The following TMEM232 variants were observed in gnomAD, a reference collection of about 807,000 sequenced individuals.
The protein encoded by TMEM232 is transmembrane protein 232.
In TMEM232, 80 loss-of-function variants were observed where a neutral mutation model predicts 78.8. That is an observed-to-expected ratio of 1.01 (90% CI 0.85 to 1.22). TMEM232 has a LOEUF of 1.22. TMEM232 is among the 50% of genes most tolerant of loss of function. TMEM232 has a pLI of 0.00. For missense variants in TMEM232, 881 were observed against 742.2 expected, an observed-to-expected ratio of 1.19 and a Z score of -2.17; for synonymous variants, 297 against 254.3, an observed-to-expected ratio of 1.17 and a Z score of -1.60.
At chr5:110,504,673 C>T (rs755825304) in intron 12 of TMEM232, among the ~76,000 whole-genome samples, 1 of 152,156 alleles carries the variant, frequency 6.6e-6, no homozygotes. Context: ...CCCAGCTTAC[C>T]CAGTCAGGCA....
chr5:110,659,737 G>T (rs1365331333), intron 2 of TMEM232, among the ~76,000 whole-genome samples: 2 of 152,264 alleles, frequency 1.3e-5, no homozygotes, highest in East Asian at 3.9e-4. Flanking sequence ...CTACATAACA[G>T]ATTTGAAGAA....
chr5:110,480,012 C>T (rs1293094851), intron 12 of TMEM232, among the ~76,000 whole-genome samples: 3 of 151,656 alleles, frequency 2.0e-5, no homozygotes, highest in Non-Finnish European at 4.4e-5. Flanking sequence ...ATGGTATTAA[C>T]ACTAGTTCTT....
At chr5:110,499,301 T>C (rs1765954406) in intron 12 of TMEM232, among the ~76,000 whole-genome samples, 1 of 152,188 alleles carries the variant, frequency 6.6e-6, no homozygotes, top group African/African-American at 2.4e-5. Flanking sequence ...ATGTACTTTT[T>C]GTTTTCTTTG....
chr5:110,698,279 A>T (rs1283030518), intron 1 of TMEM232, among the ~76,000 whole-genome samples: 4 of 150,356 alleles, frequency 2.7e-5, no homozygotes, highest in Non-Finnish European at 5.9e-5. Flanking sequence ...CACACCAGGG[A>T]CTGTTGTGGG....
At chr5:110,548,824 C>T (rs935546070) in intron 11 of TMEM232, among the ~76,000 whole-genome samples, 9 of 151,858 alleles carry the variant, frequency 5.9e-5, no homozygotes, top group African/African-American at 2.2e-4. Context: ...TTAACATGAA[C>T]CCTAATCAAA....
intron 1 of TMEM232, among the ~76,000 whole-genome samples, chr5:110,671,362 C>T (rs926278201): frequency 6.6e-6 from 1 of 152,064 alleles, no homozygotes; most frequent in Admixed American, 6.6e-5. Context: ...GATCTAGAAT[C>T]AGAAATACCA....
chr5:110,501,690 G>C (rs1437478323), intron 12 of TMEM232, among the ~76,000 whole-genome samples: 2 of 152,086 alleles, frequency 1.3e-5, no homozygotes, highest in Admixed American at 6.5e-5. Flanking sequence ...CATTTATTCT[G>C]TTGGGTTAAT....
chr5:110,494,229 G>A (rs1765414163), intron 12 of TMEM232, among the ~76,000 whole-genome samples: 1 of 151,894 alleles, frequency 6.6e-6, no homozygotes, highest in African/African-American at 2.4e-5. Flanking sequence ...CTTCATAAAT[G>A]ATCATAAAAC....
chr5:110,431,514 T>C (rs1757844427), intron 12 of TMEM232, among the ~76,000 whole-genome samples: 1 of 151,732 alleles, frequency 6.6e-6, no homozygotes, highest in African/African-American at 2.4e-5. Flanking sequence ...GGAGTCTTTG[T>C]CATTTTTAAT....
At chr5:110,396,748 C>A (rs1755405204) in intron 3 of TMEM232, among the ~76,000 whole-genome samples, 1 of 152,138 alleles carries the variant, frequency 6.6e-6, no homozygotes, top group Non-Finnish European at 1.5e-5. Flanking sequence ...TTTCTAAGTA[C>A]CTCCTTACTT....
intron 2 of TMEM232, among the ~76,000 whole-genome samples, chr5:110,657,668 C>T (rs1215579983): frequency 2.0e-5 from 3 of 151,930 alleles, no homozygotes; most frequent in Admixed American, 6.6e-5. Context: ...AATTTGTTTT[C>T]GTGTTCTATT....
chr5:110,587,685 ATATATATGTGTGTGTGTG>A (rs1202218868), intron 10 of TMEM232, among the ~76,000 whole-genome samples: 2,229 of 90,328 alleles, frequency 0.025, 21 homozygotes, highest in African/African-American at 0.038. Flanking sequence ...ATATATATAT[ATATATATGTGTGTGTGTG>A]TGTGTGTGTG....
At chr5:110,704,102 G>T (rs1450027739) in intron 1 of TMEM232, among the ~76,000 whole-genome samples, 2 of 152,036 alleles carry the variant, frequency 1.3e-5, no homozygotes, top group African/African-American at 4.8e-5. Context: ...CTCCCAAAAA[G>T]CTAAATTGAT....
At chr5:110,735,683 G>A (rs1203620483) in intron 1 of TMEM232, among the ~76,000 whole-genome samples, 1 of 152,150 alleles carries the variant, frequency 6.6e-6, no homozygotes, top group Admixed American at 6.5e-5. Context: ...CAGAAGTGAT[G>A]AGGTGTAATT....
intron 4 of TMEM232, among the ~76,000 whole-genome samples, chr5:110,638,597 T>C (rs1408705140): frequency 6.6e-6 from 1 of 152,176 alleles, no homozygotes; most frequent in Non-Finnish European, 1.5e-5. Flanking sequence ...TGACACTATG[T>C]GACTTCTAAG....
rs189751562 is a variant in TMEM232, at chr5:110,437,297, A to G, written c.1704-12381T>C. ...GTATACCCATGTAACAAGCCTCCAC[A>G]TGTAATCTAAATCTGGATCTAAAAC... On this transcript the variant is annotated intron_variant, in intron 12 of 13. Transcript: ENST00000455884. 8.5e-5 allele frequency among the ~76,000 whole-genome samples: 13 copies of G among 152,150 alleles called. No homozygotes were observed. In the East Asian group the frequency reaches 1.2e-3, roughly 14 times the overall value.
chr5:110,671,421 T>C (rs1302672400), intron 1 of TMEM232, among the ~76,000 whole-genome samples: 2 of 152,186 alleles, frequency 1.3e-5, no homozygotes, highest in African/African-American at 2.4e-5. Context: ...GGATTATAAA[T>C]CATTCTACTA....
At chr5:110,593,338 T>C (rs1779754494) in intron 10 of TMEM232, among the ~76,000 whole-genome samples, 1 of 152,286 alleles carries the variant, frequency 6.6e-6, no homozygotes, top group Non-Finnish European at 1.5e-5. Context: ...TTCGCCCAAA[T>C]TCTAGGCCAT....
chr5:110,724,553 A>C lies in TMEM232; in HGVS notation c.-13+2074T>G, dbSNP rs139378444. Among the ~76,000 whole-genome samples, 46 of 152,332 alleles carry C rather than the reference A, an allele frequency of 3.0e-4. 1 individual carries two copies. In the East Asian group the frequency reaches 5.6e-3, roughly 19 times the overall value. On this transcript the variant is annotated intron_variant, in intron 1 of 13. Coordinates refer to ENST00000455884, the MANE Select transcript of TMEM232 (RefSeq NM_001039763.4). ...AAATTTCAGAGTTATCCTCAATTCC[A>C]TGCTCTCTATAACTTCCCAAAACAA...
Sources: gnomAD v4.1 joint callset for allele counts (sites outside exome capture counted in the v4.1 genomes callset) on GRCh38, gnomAD v4.1.1 for gene constraint, MANE v1.5 for transcripts, NCBI Gene and HGNC (gene_info 2026-07-23, HGNC 2026-07-21) for gene names.